The following RAPGEF6 variants were observed in gnomAD, a reference collection of about 807,000 sequenced individuals.
RAPGEF6 encodes the protein Rap guanine nucleotide exchange factor 6.
RAPGEF6 carries 56 observed loss-of-function variants against 171.4 expected under a neutral mutation model. That is an observed-to-expected ratio of 0.33 (90% CI 0.26 to 0.41). RAPGEF6 has a LOEUF of 0.41. Among genes scored for constraint, RAPGEF6 ranks in the 10% least tolerant of loss-of-function variants. RAPGEF6 has a pLI of 1.00. For synonymous variants in RAPGEF6, 692 were observed against 650.1 expected (o/e 1.06, Z -0.98); for missense variants, 1,674 against 1,921.4 (o/e 0.87, Z 2.41).
chr5:131,468,306 T>C (rs60029179), intron 17 of RAPGEF6, among the ~76,000 whole-genome samples: 10,539 of 129,128 alleles, frequency 0.082, 771 homozygotes, highest in African/African-American at 0.22. Flanking sequence ...CACTCCAGCC[T>C]GGGTGACAAA....
chr5:131,534,444 T>C (rs1299405151), intron 6 of RAPGEF6, among the ~76,000 whole-genome samples: 1 of 152,140 alleles, frequency 6.6e-6, no homozygotes, highest in Non-Finnish European at 1.5e-5. Flanking sequence ...ATAAAGCTTT[T>C]AAGAATGTTT....
intron 1 of RAPGEF6, among the ~76,000 whole-genome samples, chr5:131,625,612 G>A (rs1052112670): frequency 2.0e-5 from 3 of 152,026 alleles, no homozygotes; most frequent in Non-Finnish European, 2.9e-5. Flanking sequence ...TCGGGAGATC[G>A]AGACCATCCT....
Position 131,527,877 on chromosome 5 carries a change from T to C in RAPGEF6, c.496-6356A>G, listed in dbSNP as rs570321256. Among the ~76,000 whole-genome samples, 815 of 151,086 alleles carry C rather than the reference T, an allele frequency of 5.4e-3. 14 individuals are homozygous for C. Among genetic ancestry groups the C allele is most frequent in the African/African-American group, 0.019 (788 of 41,110 alleles). On this transcript the variant is annotated intron_variant, in intron 6 of 27. Coordinates refer to ENST00000509018, the MANE Select transcript of RAPGEF6 (RefSeq NM_016340.6). ...AAAAATACAAAAAATTAGCCGGGCATGGTGGCGGGTGCCTGTAGTCCCAGC... is the reference window on the plus strand; with the variant it reads ...AAAAATACAAAAAATTAGCCGGGCACGGTGGCGGGTGCCTGTAGTCCCAGC...
intron 2 of RAPGEF6, 74 bp downstream of exon 2, chr5:131,604,549 C>T (rs1764435261): frequency 1.4e-5 from 21 of 1,514,350 alleles, no homozygotes; most frequent in Non-Finnish European, 1.8e-5. Flanking sequence ...TATAAAGGTG[C>T]TTAACAAATA....
At chr5:131,479,474 G>A in intron 16 of RAPGEF6, 39 bp downstream of exon 16, 1 of 1,601,536 alleles carries the variant, frequency 6.2e-7, no homozygotes, top group South Asian at 1.1e-5. Flanking sequence ...TTACAGTGAA[G>A]ATGAAAATTC....
At chr5:131,550,731 T>C (rs1011327967) in intron 5 of RAPGEF6, among the ~76,000 whole-genome samples, 21 of 152,372 alleles carry the variant, frequency 1.4e-4, no homozygotes, top group Admixed American at 1.2e-3. Context: ...TGGCTTATTG[T>C]GTATACACAC....
At chr5:131,429,320 A>C (rs1342442003) in intron 26 of RAPGEF6, 104 bp from the exon 27 acceptor site, 1 of 1,009,454 alleles carries the variant, frequency 9.9e-7, no homozygotes, top group African/African-American at 1.6e-5. Context: ...ACTTAAAAAT[A>C]GACAAAATGA....
At chr5:131,433,742 A>G (rs570943414) in intron 24 of RAPGEF6, 84 bp from the exon 25 acceptor site, 5 of 998,352 alleles carry the variant, frequency 5.0e-6, no homozygotes, top group East Asian at 2.5e-5. Context: ...AAAAAAAAAA[A>G]CCCCACAAAA....
intron 7 of RAPGEF6, among the ~76,000 whole-genome samples, chr5:131,517,758 T>G (rs1332388018): frequency 7.3e-6 from 1 of 136,406 alleles, no homozygotes; most frequent in South Asian, 2.5e-4. Flanking sequence ...CCCGAGGATC[T>G]GATTGGAAAC....
At chr5:131,573,099 C>T (rs1312300866) in intron 4 of RAPGEF6, among the ~76,000 whole-genome samples, 2 of 152,086 alleles carry the variant, frequency 1.3e-5, no homozygotes, top group African/African-American at 2.4e-5. Flanking sequence ...CCTCTGAATC[C>T]TCCTTTTCCA....
chr5:131,625,641 C>T (rs181402158), intron 1 of RAPGEF6, among the ~76,000 whole-genome samples: 278 of 152,186 alleles, frequency 1.8e-3, no homozygotes, highest in Non-Finnish European at 3.3e-3. Context: ...TGGTGAAACC[C>T]CGTCTCTACT....
chr5:131,593,260 C>A (rs1038093734), intron 3 of RAPGEF6, among the ~76,000 whole-genome samples: 1 of 152,180 alleles, frequency 6.6e-6, no homozygotes, highest in Admixed American at 6.5e-5. Context: ...GCACAAGCCA[C>A]AAGGATGTCA....
At chr5:131,469,678 T>C in intron 17 of RAPGEF6, 1 of 668,412 alleles carries the variant, frequency 1.5e-6, no homozygotes, top group Non-Finnish European at 2.3e-6. Context: ...GGCTACCTTC[T>C]AAGTGGAAAG....
chr5:131,482,251 G>A (rs982320020), intron 15 of RAPGEF6, among the ~76,000 whole-genome samples: 1 of 143,342 alleles, frequency 7.0e-6, no homozygotes, highest in African/African-American at 2.6e-5. Flanking sequence ...AAGCCATATG[G>A]TAATATATAC....
intron 6 of RAPGEF6, among the ~76,000 whole-genome samples, chr5:131,525,188 T>C (rs1360061765): frequency 1.3e-5 from 2 of 151,650 alleles, no homozygotes; most frequent in African/African-American, 4.8e-5. Flanking sequence ...ACCTAAAGAG[T>C]ATAGACATAG....
At chr5:131,461,389 G>C (rs1019127938) in intron 19 of RAPGEF6, among the ~76,000 whole-genome samples, 1 of 152,122 alleles carries the variant, frequency 6.6e-6, no homozygotes, top group African/African-American at 2.4e-5. Context: ...TAATGATAAA[G>C]ACCAGCCACT....
At chr5:131,489,493 C>G (rs1756138297) in intron 15 of RAPGEF6, 53 bp downstream of exon 15, 1 of 1,062,690 alleles carries the variant, frequency 9.4e-7, no homozygotes, top group Non-Finnish European at 1.4e-6. Context: ...AATGACTTTT[C>G]TATTACCAAA....
intron 18 of RAPGEF6, among the ~76,000 whole-genome samples, chr5:131,462,303 AAAT>A (rs1209115037): frequency 6.6e-6 from 1 of 152,206 alleles, no homozygotes; most frequent in Non-Finnish European, 1.5e-5. Flanking sequence ...TAAAGAGTAA[AAAT>A]AATGTTGTTA....
intron 3 of RAPGEF6, among the ~76,000 whole-genome samples, chr5:131,594,856 C>T (rs943156146): frequency 6.6e-6 from 1 of 152,160 alleles, no homozygotes; most frequent in African/African-American, 2.4e-5. Context: ...CAATTTCTAC[C>T]ATTTGGAACA....
Sources: allele counts gnomAD v4.1 joint callset (sites outside exome capture counted in the v4.1 genomes callset), GRCh38; gene constraint gnomAD v4.1.1; transcripts MANE v1.5; gene names NCBI Gene and HGNC (gene_info 2026-07-23, HGNC 2026-07-21).